Variants in SLC2A14 observed in about 807,000 individuals in gnomAD.
The protein encoded by SLC2A14 is solute carrier family 2, facilitated glucose transporter member 14.
In SLC2A14, 13 loss-of-function variants were observed where a neutral mutation model predicts 43.0. The observed-to-expected ratio is 0.30, with a 90% CI of 0.20 to 0.48. SLC2A14 has a LOEUF of 0.48. SLC2A14 is among the 20% of genes least tolerant of loss of function. The pLI, the probability that SLC2A14 is intolerant of heterozygous loss-of-function variation, is 0.99. For missense variants in SLC2A14, 428 were observed against 620.4 expected (o/e 0.69, Z 3.29); for synonymous variants, 190 against 233.8 (o/e 0.81, Z 1.71).
chr12:7,888,810 A>AG lies in SLC2A14; in HGVS notation c.132+2185_132+2186insC, dbSNP rs368999135. On this transcript the variant is annotated intron_variant, in intron 1 of 9. Transcript: ENST00000539924. ...AAGACTCCGTCTCAAAAAAAAAAAAAAAAAAGAAAAAAGGAATATCAGGAG... is the reference window on the plus strand; with the variant it reads ...AAGACTCCGTCTCAAAAAAAAAAAAAGAAAAAGAAAAAAGGAATATCAGGAG... Among the ~76,000 whole-genome samples, 148 of 147,094 alleles carry AG rather than the reference A, an allele frequency of 1.0e-3. 1 individual carries two copies. Among genetic ancestry groups the AG allele is most frequent in the African/African-American group, 3.0e-3 (119 of 39,508 alleles).
At chr12:7,878,874 G>A (rs960922389) in intron 1 of SLC2A14, among the ~76,000 whole-genome samples, 12 of 149,934 alleles carry the variant, frequency 8.0e-5, no homozygotes, top group African/African-American at 1.5e-4. Context: ...CTACTCAGGA[G>A]GCTGAGGCAG....
At chr12:7,871,804 G>T in intron 1 of SLC2A14, 1 of 633,032 alleles carries the variant, frequency 1.6e-6, no homozygotes, top group Non-Finnish European at 2.0e-6. Context: ...GTTCACCAAA[G>T]TCCCCTCTCA....
intron 1 of SLC2A14, chr12:7,890,744 G>A (rs1026329984): frequency 4.3e-5 from 11 of 254,314 alleles, no homozygotes; most frequent in Admixed American, 3.2e-4. Flanking sequence ...GACAGGGAGC[G>A]GGGGATGGGG....
chr12:7,818,668 C>T (rs941239676), intron 9 of SLC2A14, among the ~76,000 whole-genome samples: 11 of 146,710 alleles, frequency 7.5e-5, no homozygotes, highest in African/African-American at 2.8e-4. Context: ...TCTCAAAAAA[C>T]AAAAAACAAA....
intron 2 of SLC2A14, among the ~76,000 whole-genome samples, chr12:7,840,160 CTTTTTTT>C (rs58740298): frequency 5.8e-5 from 4 of 68,794 alleles, no homozygotes; most frequent in Non-Finnish European, 7.0e-5. Context: ...GAGTTTGCTC[CTTTTTTT>C]TTTTTTTTTT....
Position 7,831,650 on chromosome 12 carries a change from T to C in SLC2A14, c.226A>G (p.Met76Val), listed in dbSNP as rs759967974. The change falls in exon 4 of 11, where the codon ATG (methionine) becomes GTG (valine). Residue 76 changes from methionine (M) to valine (V), a missense_variant. This residue lies in a region of SLC2A14 where 122 missense variants were observed against 128.8 expected (regional missense o/e 0.95). Coordinates refer to ENST00000431042, the MANE Select transcript of SLC2A14 (RefSeq NM_001286234.2). ...AGTCCGACGGAAAAGGAGCCGATCA[T>C]ACCCCCGACGGAAAATATGGCCACA... Reference protein sequence around the residue: ...LSVAIFSVGGMIGSFSVGLFV... With the variant: ...LSVAIFSVGGVIGSFSVGLFV... 4 of 1,614,196 alleles carry C rather than the reference T, an allele frequency of 2.5e-6. No individual in the cohort carries two copies. Among genetic ancestry groups the C allele is most frequent in the East Asian group, 4.5e-5 (2 of 44,884 alleles).
chr12:7,871,261 GA>G, intron 1 of SLC2A14: 1 of 1,199,678 alleles, frequency 8.3e-7, no homozygotes, highest in Non-Finnish European at 1.1e-6. Flanking sequence ...CAGCTTCACA[GA>G]TGAAGAAGTG....
chr12:7,842,969 C>A (rs1035073867), intron 2 of SLC2A14, among the ~76,000 whole-genome samples: 1 of 151,996 alleles, frequency 6.6e-6, no homozygotes, highest in African/African-American at 2.4e-5. Context: ...CTCAGGTGAT[C>A]CGCCCGCCTC....
Position 7,817,747 on chromosome 12 carries a change from T to TAGATAGATAGATAGATAG in SLC2A14, c.1275+83_1275+84insCTATCTATCTATCTATCT, listed in dbSNP as rs60882988. ...CGAGACTCAGTCTCAAAAATATATA[T>TAGATAGATAGATAGATAG]ATATATAGATAGATAGATAGATAGA... is the stretch of plus-strand genomic sequence containing the variant. On this transcript the variant is annotated intron_variant, in intron 10 of 10. Coordinates refer to ENST00000431042, the MANE Select transcript of SLC2A14 (RefSeq NM_001286234.2). 9 of 1,052,518 alleles carry TAGATAGATAGATAGATAG rather than the reference T, an allele frequency of 8.6e-6. No individual in the cohort carries two copies. The African/African-American group carries it at 1.2e-4, about 14-fold the overall frequency. The allele number at this position is 1,052,518 out of a possible 1,614,324, so 65.2% of individuals were successfully genotyped here.
intron 2 of SLC2A14, among the ~76,000 whole-genome samples, chr12:7,845,410 AATC>A (rs1866380711): frequency 6.6e-6 from 1 of 152,150 alleles, no homozygotes; most frequent in Non-Finnish European, 1.5e-5. Context: ...TGACTTCGGA[AATC>A]ATCTAGACTA....
At chr12:7,887,179 T>C (rs1945701756) in intron 1 of SLC2A14, among the ~76,000 whole-genome samples, 1 of 152,114 alleles carries the variant, frequency 6.6e-6, no homozygotes, top group African/African-American at 2.4e-5. Context: ...CCCAAAGTGC[T>C]GGGATTACAG....
chr12:7,863,237 C>T (rs778606906), intron 2 of SLC2A14: 4 of 350,008 alleles, frequency 1.1e-5, no homozygotes, highest in Admixed American at 3.6e-5. Context: ...GCGACACTCA[C>T]GGCGGAAGTC....
intron 2 of SLC2A14, among the ~76,000 whole-genome samples, chr12:7,841,801 T>A (rs933888106): frequency 1.3e-5 from 2 of 151,430 alleles, no homozygotes; most frequent in African/African-American, 2.4e-5. Context: ...AGGTCAGGAG[T>A]TCGACACCAG....
intron 2 of SLC2A14, among the ~76,000 whole-genome samples, chr12:7,853,429 CAAAAAAAAA>C (rs35414391): frequency 7.1e-5 from 6 of 84,620 alleles, no homozygotes; most frequent in Admixed American, 6.3e-4. Context: ...GACTCCATTT[CAAAAAAAAA>C]AAAAAAAAAA....
chr12:7,826,879 TTCTTTCTTTC>T (rs1864450080), intron 7 of SLC2A14, among the ~76,000 whole-genome samples: 2 of 60,866 alleles, frequency 3.3e-5, no homozygotes, highest in Non-Finnish European at 3.1e-5. Context: ...CTTTCTTTCT[TTCTTTCTTTC>T]TTTCTTTCTT....
chr12:7,873,089 C>T (rs1945330910), upstream of SLC2A14: 18 of 985,494 alleles, frequency 1.8e-5, no homozygotes, highest in South Asian at 8.5e-4. Flanking sequence ...ACCTGCGCAC[C>T]GCACGGTCCA....
intron 9 of SLC2A14, among the ~76,000 whole-genome samples, chr12:7,819,061 T>TA (rs2120673043): frequency 6.6e-6 from 1 of 151,624 alleles, no homozygotes; most frequent in Admixed American, 6.6e-5. Context: ...CTACTAAAAA[T>TA]AAAAAATTAG....
At chr12:7,880,876 A>C (rs1283279180) in intron 1 of SLC2A14, among the ~76,000 whole-genome samples, 1 of 151,840 alleles carries the variant, frequency 6.6e-6, no homozygotes, top group Non-Finnish European at 1.5e-5. Flanking sequence ...GCGGTGGCTC[A>C]CGCCTGTAAT....
At chr12:7,890,906 G>A in intron 1 of SLC2A14, 1 of 1,403,012 alleles carries the variant, frequency 7.1e-7, no homozygotes, top group East Asian at 2.6e-5. Context: ...GATTAAGAGA[G>A]ACAGGAGGGC....
Sources: allele counts gnomAD v4.1 joint callset (sites outside exome capture counted in the v4.1 genomes callset), GRCh38; gene constraint gnomAD v4.1.1; regional missense constraint gnomAD v4.1.1; transcripts MANE v1.5; gene names NCBI Gene and HGNC (gene_info 2026-07-23, HGNC 2026-07-21).